FAM184A: variants seen among roughly 807,000 people sequenced by gnomAD.
FAM184A encodes the protein protein FAM184A.
Under a neutral mutation model 143.8 loss-of-function variants are expected in FAM184A, and 99 were observed. The ratio of observed to expected loss-of-function variants is 0.69; its 90% CI spans 0.58 to 0.81. FAM184A has a LOEUF of 0.81. Ranked by LOEUF, FAM184A falls within the 40% of genes least tolerant of loss-of-function variation. The pLI is 0.00. For missense variants in FAM184A, 1,217 were observed against 1,310.5 expected, an observed-to-expected ratio of 0.93 and a Z score of 1.10; for synonymous variants, 427 against 446.4, an observed-to-expected ratio of 0.96 and a Z score of 0.55.
chr6:119,109,411 C>A (rs971309834), intron 1 of FAM184A, among the ~76,000 whole-genome samples: 3 of 152,196 alleles, frequency 2.0e-5, no homozygotes, highest in Non-Finnish European at 2.9e-5. Flanking sequence ...CCTTTGGGTG[C>A]TCTGATTCTA....
chr6:118,987,860 T>A (rs575601025), intron 9 of FAM184A, among the ~76,000 whole-genome samples: 4 of 152,342 alleles, frequency 2.6e-5, no homozygotes, highest in Admixed American at 2.6e-4. Context: ...ATTGGCTTTA[T>A]AATAAATATA....
chr6:119,052,723 C>A (rs1582558778), intron 1 of FAM184A, among the ~76,000 whole-genome samples: 1 of 152,276 alleles, frequency 6.6e-6, no homozygotes, highest in Non-Finnish European at 1.5e-5. Context: ...AACCAACCAC[C>A]AGAGGCAGGA....
intron 1 of FAM184A, among the ~76,000 whole-genome samples, chr6:119,100,702 A>G (rs573480242): frequency 5.3e-5 from 8 of 151,904 alleles, no homozygotes; most frequent in African/African-American, 1.9e-4. Flanking sequence ...CATGCTTGTA[A>G]TCCCAGCACT....
intron 1 of FAM184A, among the ~76,000 whole-genome samples, chr6:119,068,280 C>T (rs1271309466): frequency 6.6e-6 from 1 of 151,996 alleles, no homozygotes; most frequent in African/African-American, 2.4e-5. Context: ...CTCCTGACTT[C>T]AAGTGTGATC....
intron 1 of FAM184A, among the ~76,000 whole-genome samples, chr6:119,065,288 C>T (rs569298534): frequency 6.6e-6 from 1 of 152,280 alleles, no homozygotes; most frequent in South Asian, 2.1e-4. Flanking sequence ...AATAAAGTCT[C>T]CTAACAGCCA....
At chr6:119,050,557 A>C in intron 1 of FAM184A, among the ~76,000 whole-genome samples, 1 of 151,644 alleles carries the variant, frequency 6.6e-6, no homozygotes, top group South Asian at 2.1e-4. Context: ...CTGTAATCCC[A>C]GCACTTTGGG....
chr6:119,046,919 G>A (rs188734502), intron 1 of FAM184A, among the ~76,000 whole-genome samples: 1 of 152,058 alleles, frequency 6.6e-6, no homozygotes, highest in East Asian at 1.9e-4. Context: ...CACAGCAAAG[G>A]ATATAATCAA....
intron 1 of FAM184A, among the ~76,000 whole-genome samples, chr6:119,121,200 T>A (rs777762309): frequency 9.9e-5 from 15 of 152,190 alleles, no homozygotes; most frequent in Non-Finnish European, 2.1e-4. Flanking sequence ...GGCAAGATCA[T>A]GGCTCACTTT....
At chr6:119,022,295 G>A (rs1785475673) in intron 3 of FAM184A, among the ~76,000 whole-genome samples, 1 of 151,788 alleles carries the variant, frequency 6.6e-6, no homozygotes. Context: ...CTGGCCACAA[G>A]TGATCTGCCC....
intron 1 of FAM184A, among the ~76,000 whole-genome samples, chr6:119,105,106 C>G (rs1788746671): frequency 6.6e-6 from 1 of 151,868 alleles, no homozygotes; most frequent in Non-Finnish European, 1.5e-5. Flanking sequence ...GATCCTGGAA[C>G]AGAAAAAGGA....
intron 1 of FAM184A, among the ~76,000 whole-genome samples, chr6:119,145,626 A>G (rs1383971075): frequency 2.0e-5 from 3 of 152,156 alleles, no homozygotes; most frequent in African/African-American, 7.2e-5. Context: ...TAGTCTGCAA[A>G]TCTTTTAAGG....
intron 12 of FAM184A, 63 bp from the exon 13 acceptor site, chr6:118,975,271 C>T (rs761567247): frequency 2.7e-5 from 32 of 1,196,422 alleles, no homozygotes; most frequent in Non-Finnish European, 3.5e-5. Flanking sequence ...TGTTTATCTG[C>T]GGGAAAGAAA....
chr6:119,044,180 T>G (rs1389609099), intron 1 of FAM184A, among the ~76,000 whole-genome samples: 1 of 152,186 alleles, frequency 6.6e-6, no homozygotes, highest in Non-Finnish European at 1.5e-5. Context: ...AGAGCAATTA[T>G]GCAAGAAAAA....
intron 9 of FAM184A, among the ~76,000 whole-genome samples, chr6:119,001,674 G>C (rs913322710): frequency 1.3e-5 from 2 of 152,100 alleles, no homozygotes; most frequent in Non-Finnish European, 2.9e-5. Flanking sequence ...CAGGAGAAGC[G>C]GTGGGCCACT....
chr6:119,043,279 C>A (rs1244611900), intron 1 of FAM184A, among the ~76,000 whole-genome samples: 2 of 152,124 alleles, frequency 1.3e-5, no homozygotes, highest in Non-Finnish European at 2.9e-5. Flanking sequence ...CATTGGCTCA[C>A]CTGTGGCAGA....
At chr6:118,983,935 G>A (rs945574057) in intron 9 of FAM184A, among the ~76,000 whole-genome samples, 9 of 151,404 alleles carry the variant, frequency 5.9e-5, no homozygotes, top group African/African-American at 2.2e-4. Flanking sequence ...GATCACCAGA[G>A]GTCAGGCATT....
chr6:118,969,993 A>ATATAAAATATATAT (rs1189865476), intron 14 of FAM184A, among the ~76,000 whole-genome samples: 1 of 24,372 alleles, frequency 4.1e-5, no homozygotes. Flanking sequence ...ATATATATAT[A>ATATAAAATATATAT]ATATATATAT....
chr6:118,974,760 G>A (rs1163925747), intron 13 of FAM184A, among the ~76,000 whole-genome samples, 186 bp from the exon 14 acceptor site: 2 of 152,004 alleles, frequency 1.3e-5, no homozygotes, highest in African/African-American at 4.8e-5. Flanking sequence ...CTCCTTTAAT[G>A]CTTTTTCAAA....
At chr6:119,108,745 C>T (rs916615817) in intron 1 of FAM184A, among the ~76,000 whole-genome samples, 8 of 152,098 alleles carry the variant, frequency 5.3e-5, no homozygotes, top group African/African-American at 1.7e-4. Context: ...GGCTCAGGAG[C>T]TGACACTCAG....
Sources: allele counts gnomAD v4.1 joint callset (sites outside exome capture counted in the v4.1 genomes callset), GRCh38; gene constraint gnomAD v4.1.1; transcripts MANE v1.5; gene names NCBI Gene and HGNC (gene_info 2026-07-23, HGNC 2026-07-21).